The following SLIT3 variants were observed in gnomAD, a reference collection of about 807,000 sequenced individuals.
SLIT3 encodes the protein slit guidance ligand 3.
Under a neutral mutation model 184.0 loss-of-function variants are expected in SLIT3, and 68 were observed. That is an observed-to-expected ratio of 0.37 (90% CI 0.30 to 0.45). SLIT3 has a LOEUF of 0.45. Ranked by LOEUF, SLIT3 falls within the 20% of genes least tolerant of loss-of-function variation. The pLI is 1.00. For missense variants in SLIT3, 1,707 were observed against 2,026.0 expected, an observed-to-expected ratio of 0.84 and a Z score of 3.02; for synonymous variants, 831 against 828.6, an observed-to-expected ratio of 1.00 and a Z score of -0.05.
At chr5:169,122,079 G>A (rs1760897909) in intron 4 of SLIT3, among the ~76,000 whole-genome samples, 1 of 152,202 alleles carries the variant, frequency 6.6e-6, no homozygotes, top group African/African-American at 2.4e-5. Context: ...GAGTTGGCCA[G>A]CTTGGCCCCA....
At chr5:168,743,452 G>A (rs562154698) in intron 20 of SLIT3, among the ~76,000 whole-genome samples, 19 of 152,248 alleles carry the variant, frequency 1.2e-4, no homozygotes, top group African/African-American at 4.6e-4. Context: ...GAGGCACCAC[G>A]AACCATGCCC....
intron 20 of SLIT3, among the ~76,000 whole-genome samples, chr5:168,743,309 A>G (rs1763697030): frequency 6.6e-6 from 1 of 152,218 alleles, no homozygotes; most frequent in South Asian, 2.1e-4. Context: ...CATTTTTCCA[A>G]CAGCATATCT....
intron 32 of SLIT3, among the ~76,000 whole-genome samples, chr5:168,677,698 C>T (rs1351189546): frequency 2.0e-5 from 3 of 152,248 alleles, no homozygotes; most frequent in Non-Finnish European, 2.9e-5. Flanking sequence ...ATCCTCCTCC[C>T]TTGACCTCCC....
At chr5:169,050,754 G>A (rs1757788713) in intron 4 of SLIT3, among the ~76,000 whole-genome samples, 1 of 151,810 alleles carries the variant, frequency 6.6e-6, no homozygotes, top group African/African-American at 2.4e-5. Flanking sequence ...GTAACGTGTA[G>A]ATTTCCTTTC....
In SLIT3 at chr5:169,148,770, C is replaced by T. The variant is rs187727288; in HGVS notation, c.413+44709G>A. 5.3e-4 allele frequency among the ~76,000 whole-genome samples: 81 copies of T among 151,988 alleles called. No homozygotes were observed. In the East Asian group the frequency reaches 0.013, roughly 24 times the overall value. Reference sequence around the variant, plus strand: ...ATGTAATAAATGTTTAACAAGGAAACGGAGTGGATAAAATTTAAACAGTAG... The same window carrying T: ...ATGTAATAAATGTTTAACAAGGAAATGGAGTGGATAAAATTTAAACAGTAG... On this transcript the variant is annotated intron_variant, in intron 4 of 35. Transcript: ENST00000519560.
chr5:168,682,372 G>A (rs1324059828), intron 32 of SLIT3, among the ~76,000 whole-genome samples: 4 of 152,204 alleles, frequency 2.6e-5, no homozygotes, highest in Non-Finnish European at 5.9e-5. Flanking sequence ...TTTTCCTTTG[G>A]AAACTGGTGT....
intron 4 of SLIT3, among the ~76,000 whole-genome samples, chr5:169,081,145 C>A (rs58136256): frequency 0.041 from 6,280 of 152,278 alleles, 413 homozygotes; most frequent in East Asian, 0.23. Context: ...AGGCCTGGCC[C>A]ACCAGGTGCC....
intron 4 of SLIT3, among the ~76,000 whole-genome samples, chr5:169,146,735 A>G (rs908434298): frequency 1.3e-5 from 2 of 152,040 alleles, no homozygotes; most frequent in African/African-American, 4.8e-5. Flanking sequence ...CTTCCTTCAA[A>G]CCAATATAAT....
intron 4 of SLIT3, among the ~76,000 whole-genome samples, chr5:168,988,397 A>G (rs1378596573): frequency 1.3e-5 from 2 of 152,158 alleles, no homozygotes; most frequent in African/African-American, 4.8e-5. Flanking sequence ...CAACACTCAG[A>G]TCCTGCATGA....
At chr5:169,053,817 G>C (rs1343298297) in intron 4 of SLIT3, among the ~76,000 whole-genome samples, 1 of 152,244 alleles carries the variant, frequency 6.6e-6, no homozygotes, top group East Asian at 1.9e-4. Flanking sequence ...AACAGGTGCA[G>C]TGGCTCATGC....
intron 4 of SLIT3, among the ~76,000 whole-genome samples, chr5:169,074,552 A>G (rs1393072674): frequency 6.6e-6 from 1 of 152,196 alleles, no homozygotes; most frequent in Non-Finnish European, 1.5e-5. Context: ...CAGAAACCCA[A>G]TTTTACAGTT....
chr5:168,793,238 C>T (rs1756446271), intron 10 of SLIT3, among the ~76,000 whole-genome samples: 1 of 152,172 alleles, frequency 6.6e-6, no homozygotes, highest in Admixed American at 6.5e-5. Context: ...TCTCTCCCCC[C>T]TCCCCTTTTT....
At chr5:168,786,803 C>T (rs574242184) in intron 11 of SLIT3, among the ~76,000 whole-genome samples, 1 of 152,246 alleles carries the variant, frequency 6.6e-6, no homozygotes, top group African/African-American at 2.4e-5. Flanking sequence ...ACTAGAGAAG[C>T]TCGGCTGGCC....
intron 4 of SLIT3, among the ~76,000 whole-genome samples, chr5:169,082,733 A>G (rs1274583397): frequency 6.6e-6 from 1 of 152,258 alleles, no homozygotes; most frequent in Non-Finnish European, 1.5e-5. Context: ...AAAATAGTAG[A>G]TGAAGATGTG....
chr5:168,770,103 G>A (rs549406844), intron 14 of SLIT3, among the ~76,000 whole-genome samples: 2 of 152,296 alleles, frequency 1.3e-5, no homozygotes, highest in East Asian at 1.9e-4. Flanking sequence ...GTGCTCCCAG[G>A]GATGGGCTTG....
intron 9 of SLIT3, among the ~76,000 whole-genome samples, chr5:168,799,225 C>G (rs1313257558): frequency 6.6e-6 from 1 of 152,168 alleles, no homozygotes; most frequent in African/African-American, 2.4e-5. Context: ...GGTCCAGACT[C>G]CTAGTGTGAA....
chr5:168,687,861 G>A (rs1401194951), intron 29 of SLIT3, among the ~76,000 whole-genome samples: 1 of 152,182 alleles, frequency 6.6e-6, no homozygotes, highest in Admixed American at 6.5e-5. Context: ...TTAATAAGTG[G>A]CTCATATTAC....
chr5:168,864,022 C>A (rs986946956), intron 5 of SLIT3, among the ~76,000 whole-genome samples: 3 of 150,622 alleles, frequency 2.0e-5, no homozygotes, highest in Admixed American at 2.0e-4. Flanking sequence ...ATGGTGAAAC[C>A]CCATCTCTAT....
chr5:169,016,575 A>G (rs576353910), intron 4 of SLIT3, among the ~76,000 whole-genome samples: 3 of 152,202 alleles, frequency 2.0e-5, no homozygotes, highest in Non-Finnish European at 4.4e-5. Flanking sequence ...CATATAATAC[A>G]TGTAATTCTT....
Sources: gnomAD v4.1 joint callset for allele counts (sites outside exome capture counted in the v4.1 genomes callset) on GRCh38, gnomAD v4.1.1 for gene constraint, MANE v1.5 for transcripts, NCBI Gene and HGNC (gene_info 2026-07-23, HGNC 2026-07-21) for gene names.